Variants in MMP13 observed in about 807,000 individuals in gnomAD.
MMP13 encodes collagenase 3.
Under a neutral mutation model 52.1 loss-of-function variants are expected in MMP13, and 45 were observed. That is an observed-to-expected ratio of 0.86 (90% CI 0.68 to 1.11). The LOEUF is 1.11. Among genes scored for constraint, MMP13 ranks in the 50% least tolerant of loss-of-function variants. The pLI, the probability that MMP13 is intolerant of heterozygous loss-of-function variation, is 0.00. For missense variants in MMP13, 576 were observed against 583.8 expected (o/e 0.99, Z 0.14); for synonymous variants, 200 against 204.4 (o/e 0.98, Z 0.18).
intron 8 of MMP13, 47 bp from the exon 9 acceptor site, chr11:102,945,796 G>T: frequency 1.0e-6 from 1 of 995,150 alleles, no homozygotes; most frequent in Non-Finnish European, 1.6e-6. Context: ...TTCTTAGAAA[G>T]TACCTTAGAA....
In MMP13 at chr11:102,947,920, A is replaced by C. The variant is rs782442727; in HGVS notation, c.1182T>G (p.Thr394=). 1.2e-5 allele frequency: 19 copies of C among 1,613,824 alleles called. No homozygotes were observed. The highest frequency in any genetic ancestry group is 1.5e-5 in the Non-Finnish European group (18 of 1,179,894). ...AGACCTGGTTTCCTGAGAACAGGAG[A>C]GTCTTGCCTGTATCCTCAAAGTGAA... The part of the protein sequence containing the change: ...AAVHFEDTGK[T]LLFSGNQVWR... The change falls in exon 8 of 10, where the codon ACT becomes ACG. Residue 394 remains threonine (T), a synonymous_variant. Transcript: ENST00000260302.
In MMP13 at chr11:102,949,115, A is replaced by G. The variant is rs1555017017; in HGVS notation, c.961T>C (p.Phe321Leu). 1 of 1,613,820 alleles carries G rather than the reference A, an allele frequency of 6.2e-7. No homozygotes were observed. Among genetic ancestry groups the G allele is most frequent in the East Asian group, 2.2e-5 (1 of 44,872 alleles). The change falls in exon 7 of 10, where the codon TTT (phenylalanine) becomes CTT (leucine). Residue 321 changes from phenylalanine (F) to leucine (L), a missense_variant. By Grantham distance (22) the Phe-to-Leu change is conservative (BLOSUM62 0). Transcript: ENST00000260302. This position sits in a 1 kb window ranked among gnomAD's most constrained non-coding sequence, Gnocchi z 4.2. ...LHPQQVDAEL[F>L]LTKSFWPELP... ...TCTGGCCAAAATGATTTCGTTAAAAACAGCTCCGCATCAACCTGCTGAGGA... is the reference window on the plus strand; with the variant it reads ...TCTGGCCAAAATGATTTCGTTAAAAGCAGCTCCGCATCAACCTGCTGAGGA...
chr11:102,953,887 G>T (rs1030088482), intron 4 of MMP13, among the ~76,000 whole-genome samples: 2 of 152,098 alleles, frequency 1.3e-5, no homozygotes, highest in African/African-American at 4.8e-5. Flanking sequence ...TTGGCTGACA[G>T]ACATAAACAT....
Position 102,944,405 on chromosome 11 carries a change from A to G in MMP13, c.1316-39T>C, listed in dbSNP as rs375716883. The G allele has an allele frequency of 1.6e-4, 222 of 1,402,576 alleles. No individual in the cohort carries two copies. In the African/African-American group the frequency reaches 3.0e-3, roughly 19 times the overall value. 86.9% of individuals were successfully genotyped at this position (1,402,576 alleles called of 1,614,324 possible). A position where few individuals can be genotyped will look rare whatever the true frequency, so the allele number is the denominator to read the frequency against. On this transcript the variant is annotated intron_variant, in intron 9 of 9. Coordinates refer to ENST00000260302, the MANE Select transcript of MMP13 (RefSeq NM_002427.4). ...CATAAAGACAATTTCAGAGTTTGAA[A>G]ATAATAAGGTTTTAATCCAGTTAAT...
Position 102,949,008 on chromosome 11 carries a change from C to T in MMP13, c.1051+17G>A, listed in dbSNP as rs1555016998. 6.2e-7 allele frequency: 1 copy of T among 1,613,424 alleles called. No individual in the cohort carries two copies. Among genetic ancestry groups the T allele is most frequent in the Admixed American group, 1.7e-5 (1 of 59,972 alleles). On this transcript the variant is annotated intron_variant, in intron 7 of 9. Coordinates refer to ENST00000260302, the MANE Select transcript of MMP13 (RefSeq NM_002427.4). This position sits in a 1 kb window ranked among gnomAD's most constrained non-coding sequence, Gnocchi z 4.2. ...CTCCCCTGGTCTTGTGTGAGGACTC[C>T]TCTGTGGAAAGCTTACCTCTGAAGA...
chr11:102,951,962 T>C (rs965976875), intron 5 of MMP13, 50 bp downstream of exon 5: 8 of 1,581,172 alleles, frequency 5.1e-6, no homozygotes, highest in Non-Finnish European at 6.9e-6. Context: ...AATGCATGGG[T>C]TTCTTCTGCT....
At chr11:102,954,793 C>A (rs995627458) in intron 2 of MMP13, among the ~76,000 whole-genome samples, 187 bp from the exon 3 acceptor site, 2 of 152,106 alleles carry the variant, frequency 1.3e-5, no homozygotes, top group African/African-American at 4.8e-5. Context: ...AAAAATTCAG[C>A]CACATTTGAG....
At chr11:102,954,680 T>G in intron 2 of MMP13, 74 bp from the exon 3 acceptor site, 1 of 1,379,122 alleles carries the variant, frequency 7.3e-7, no homozygotes. Flanking sequence ...TCTTGGTATA[T>G]TGCTTTTCAA....
In MMP13 at chr11:102,943,651, A is replaced by G. The variant is rs1860445387; in HGVS notation, c.*615T>C. 2 of 152,608 alleles carry G rather than the reference A, an allele frequency of 1.3e-5. No individual in the cohort carries two copies. Among genetic ancestry groups the G allele is most frequent in the South Asian group, 2.1e-4 (1 of 4,852 alleles). 9.5% of individuals were successfully genotyped at this position (152,608 alleles called of 1,614,324 possible). A position where few individuals can be genotyped will look rare whatever the true frequency, so the allele number is the denominator to read the frequency against. On this transcript the variant is annotated 3_prime_UTR_variant, in exon 10 of 10. Transcript: ENST00000260302. ...AAAAGTGAAAATTAAACAGAATTCA[A>G]AGGCCACATCTACTATTCTTACCAC...
rs1555017398 is a variant in MMP13 at position 102,952,071 on chromosome 11, G to A, written c.740C>T (p.Thr247Ile). The change falls in exon 5 of 10, where the codon ACC (threonine) becomes ATC (isoleucine). Residue 247 changes from threonine (T) to isoleucine (I), a missense_variant. By Grantham distance (89) the Thr-to-Ile change is moderately conservative. Coordinates refer to ENST00000260302, the MANE Select transcript of MMP13 (RefSeq NM_002427.4). The surrounding 1 kb of genome is among the most constrained non-coding windows in gnomAD (Gnocchi z 4.3). The stretch of plus-strand genomic sequence containing the variant: ...AGGAAGCATAAAGTGGCTTTTGCCG[G>A]TGTAGGTGTAGATAGGAAACATGAG... Reference protein sequence around the residue: ...GALMFPIYTYTGKSHFMLPDD... With the variant: ...GALMFPIYTYIGKSHFMLPDD... 1 of 1,613,448 alleles carries A rather than the reference G, an allele frequency of 6.2e-7. No homozygotes were observed. The highest frequency in any genetic ancestry group is 2.2e-5 in the East Asian group (1 of 44,876).
chr11:102,945,734 G>T lies in MMP13; in HGVS notation c.1227C>A (p.Asn409Lys). The T allele has an allele frequency of 6.4e-7, 1 of 1,568,122 alleles. No homozygotes were observed. The highest frequency in any genetic ancestry group is 1.7e-5 in the Admixed American group (1 of 59,864). Reference protein sequence around the residue: ...GNQVWRYDDTNHIMDKDYPRL... With the variant: ...GNQVWRYDDTKHIMDKDYPRL... ...TCGGATAGTCTTTATCCATAATATG[G>T]TTAGTATCATCATATCTATTTAAAG... The change falls in exon 9 of 10, where the codon AAC (asparagine) becomes AAA (lysine). Residue 409 changes from asparagine (N) to lysine (K), a missense_variant. Asn to Lys is a moderately conservative substitution (Grantham distance 94). Transcript: ENST00000260302.
intron 4 of MMP13, among the ~76,000 whole-genome samples, chr11:102,953,912 A>G (rs2134521688): frequency 6.6e-6 from 1 of 152,286 alleles, no homozygotes; most frequent in South Asian, 2.1e-4. Flanking sequence ...GTCCTACTTC[A>G]AAGTTCATTA....
At chr11:102,947,411 C>T (rs1037881010) in intron 8 of MMP13, among the ~76,000 whole-genome samples, 3 of 152,014 alleles carry the variant, frequency 2.0e-5, no homozygotes, top group Admixed American at 2.0e-4. Context: ...ACTAAAAATA[C>T]AAAAATTAGT....
At chr11:102,950,965 T>C (rs1009637489) in intron 5 of MMP13, among the ~76,000 whole-genome samples, 2 of 152,218 alleles carry the variant, frequency 1.3e-5, no homozygotes, top group Non-Finnish European at 2.9e-5. Context: ...GCTACTGTGA[T>C]AGATTGAAAT....
rs1321238498 is a variant in MMP13 at position 102,949,281 on chromosome 11, A to T, written c.918-123T>A. 2 of 1,245,492 alleles carry T rather than the reference A, an allele frequency of 1.6e-6. No homozygotes were observed. Among genetic ancestry groups the T allele is most frequent in the Non-Finnish European group, 2.3e-6 (2 of 883,306 alleles). The allele number at this position is 1,245,492 out of a possible 1,614,324, so 77.2% of individuals were successfully genotyped here. On this transcript the variant is annotated intron_variant, in intron 6 of 9. Transcript: ENST00000260302. This position sits in a 1 kb window ranked among gnomAD's most constrained non-coding sequence, Gnocchi z 4.2. ...ATACAACCAATACCTCCCACCTGTG[A>T]AGGGAAAAAAAATTCCATTACCCTT... is the stretch of plus-strand genomic sequence containing the variant.
At position 102,949,295 on chromosome 11, in the gene MMP13, T is replaced by C. The variant is rs1860569412; in HGVS notation, c.918-137A>G. 9.2e-7 allele frequency: 1 copy of C among 1,081,668 alleles called. No homozygotes were observed. Among genetic ancestry groups the C allele is most frequent in the Non-Finnish European group, 1.4e-6 (1 of 737,042 alleles). 67.0% of individuals were successfully genotyped at this position (1,081,668 alleles called of 1,614,324 possible). ...TCCCACCTGTGAAGGGAAAAAAAATTCCATTACCCTTTAAGCGCCAGTGAC... is the reference window on the plus strand; with the variant it reads ...TCCCACCTGTGAAGGGAAAAAAAATCCCATTACCCTTTAAGCGCCAGTGAC... On this transcript the variant is annotated intron_variant, in intron 6 of 9. Transcript: ENST00000260302. The surrounding 1 kb of genome is among the most constrained non-coding windows in gnomAD (Gnocchi z 4.2).
intron 9 of MMP13, chr11:102,945,200 C>A (rs550485832): frequency 7.9e-6 from 5 of 629,664 alleles, no homozygotes; most frequent in South Asian, 1.8e-5. Flanking sequence ...GCTCAGATTG[C>A]GACAATGAAC....
chr11:102,944,325 T>C lies in MMP13; in HGVS notation c.1357A>G (p.Ser453Gly), dbSNP rs782182853. The change falls in exon 10 of 10, where the codon AGC (serine) becomes GGC (glycine). Residue 453 changes from serine to glycine, a missense_variant. Physicochemically the swap from Ser to Gly is moderately conservative, Grantham distance 56. Transcript: ENST00000260302. ...CGAACAATACGGTTACTCCAGATGC[T>C]GTATTCAAACTGTATGGGTCCGTTG... ...FFNGPIQFEY[S>G]IWSNRIVRVM... 6.2e-7 allele frequency: 1 copy of C among 1,613,304 alleles called. No homozygotes were observed. Among genetic ancestry groups the C allele is most frequent in the Admixed American group, 1.7e-5 (1 of 60,002 alleles).
chr11:102,953,169 A>G (rs1399931166), intron 4 of MMP13, among the ~76,000 whole-genome samples: 1 of 152,150 alleles, frequency 6.6e-6, no homozygotes, highest in African/African-American at 2.4e-5. Flanking sequence ...GGATGTTTTT[A>G]TTCACTTCAA....
Sources: allele counts gnomAD v4.1 joint callset (sites outside exome capture counted in the v4.1 genomes callset), GRCh38; gene constraint gnomAD v4.1.1; non-coding constraint Gnocchi (gnomAD v3.1); transcripts MANE v1.5; gene names NCBI Gene and HGNC (gene_info 2026-07-23, HGNC 2026-07-21).